The following SYCP1 variants were observed in gnomAD, a reference collection of about 807,000 sequenced individuals.
The protein encoded by SYCP1 is synaptonemal complex protein 1, also known as cancer/testis antigen 8.
Under a neutral mutation model 153.1 loss-of-function variants are expected in SYCP1, and 64 were observed. The ratio of observed to expected loss-of-function variants is 0.42; its 90% CI spans 0.34 to 0.51. SYCP1 has a LOEUF of 0.51. Ranked by LOEUF, SYCP1 falls within the 20% of genes least tolerant of loss-of-function variation. SYCP1 has a pLI of 0.06. For synonymous variants in SYCP1, 384 were observed against 341.8 expected, an observed-to-expected ratio of 1.12 and a Z score of -1.36; for missense variants, 997 against 1,049.0, an observed-to-expected ratio of 0.95 and a Z score of 0.68.
intron 30 of SYCP1, among the ~76,000 whole-genome samples, chr1:114,992,550 C>T (rs928093999): frequency 2.0e-5 from 3 of 151,516 alleles, no homozygotes; most frequent in East Asian, 1.9e-4. Flanking sequence ...GGGGAAGGAA[C>T]ATTTTTTTCA....
chr1:114,866,783 C>G (rs553072490), intron 8 of SYCP1, among the ~76,000 whole-genome samples: 1 of 151,442 alleles, frequency 6.6e-6, no homozygotes, highest in Admixed American at 6.6e-5. Flanking sequence ...TCGTGATACC[C>G]AAGATCATCC....
At chr1:114,974,354 AACATATAAC>A (rs1672680708) in intron 27 of SYCP1, among the ~76,000 whole-genome samples, 1 of 151,986 alleles carries the variant, frequency 6.6e-6, no homozygotes, top group Non-Finnish European at 1.5e-5. Context: ...TTGTGATAAA[AACATATAAC>A]ATTAAGTGCA....
intron 8 of SYCP1, among the ~76,000 whole-genome samples, chr1:114,870,970 G>A (rs941372711): frequency 6.6e-6 from 1 of 151,916 alleles, no homozygotes; most frequent in African/African-American, 2.4e-5. Context: ...GCTATTTGTG[G>A]TTTTAATTGA....
intron 15 of SYCP1, among the ~76,000 whole-genome samples, chr1:114,893,998 T>G (rs1025729609): frequency 1.3e-4 from 20 of 151,962 alleles, no homozygotes; most frequent in Admixed American, 1.1e-3. Context: ...TCGTTAATTT[T>G]CTGGTTTGTT....
Position 114,856,570 on chromosome 1 carries a change from T to A in SYCP1, c.109-3T>A. On this transcript the variant is annotated splice_region_variant and splice_polypyrimidine_tract_variant and intron_variant, in intron 2 of 31. Coordinates refer to ENST00000369522, the MANE Select transcript of SYCP1 (RefSeq NM_003176.4). ...ATATTTAAGAACTTCTTTGTGTCTC[T>A]AGAGTTTCAACAAATGTACTGAAGA... The A allele has an allele frequency of 1.2e-6, 2 of 1,607,612 alleles. No homozygotes were observed. Among genetic ancestry groups the A allele is most frequent in the Non-Finnish European group, 1.7e-6 (2 of 1,176,412 alleles).
At chr1:114,917,804 T>A (rs1668604272) in intron 20 of SYCP1, among the ~76,000 whole-genome samples, 1 of 152,158 alleles carries the variant, frequency 6.6e-6, no homozygotes, top group Non-Finnish European at 1.5e-5. Context: ...CCTATTTAGA[T>A]CTTTCGCCCA....
intron 30 of SYCP1, among the ~76,000 whole-genome samples, chr1:114,987,712 A>G (rs532789533): frequency 4.6e-5 from 7 of 151,992 alleles, no homozygotes; most frequent in African/African-American, 1.4e-4. Flanking sequence ...ATCATAAGGC[A>G]TACAAATAAA....
At chr1:114,953,839 T>C (rs2101855627) in intron 27 of SYCP1, among the ~76,000 whole-genome samples, 1 of 152,358 alleles carries the variant, frequency 6.6e-6, no homozygotes, top group East Asian at 1.9e-4. Flanking sequence ...GGGATTTTGA[T>C]AGAAAATTTA....
At chr1:114,874,219 GACTTT>G (rs1346313300) in intron 8 of SYCP1, among the ~76,000 whole-genome samples, 8 of 152,108 alleles carry the variant, frequency 5.3e-5, no homozygotes, top group African/African-American at 1.7e-4. Flanking sequence ...TTTGCCCTGC[GACTTT>G]ACTTCTCTTA....
intron 21 of SYCP1, among the ~76,000 whole-genome samples, chr1:114,926,042 G>C (rs949450741): frequency 1.3e-5 from 2 of 152,014 alleles, no homozygotes; most frequent in African/African-American, 4.8e-5. Context: ...GGGAGGCTGG[G>C]GTGAGAGGAT....
intron 20 of SYCP1, among the ~76,000 whole-genome samples, chr1:114,920,322 A>G (rs966166524): frequency 6.6e-6 from 1 of 151,972 alleles, no homozygotes; most frequent in Non-Finnish European, 1.5e-5. Context: ...TTTCAGTTCA[A>G]TTTCATTGTA....
At chr1:114,934,014 C>T (rs1460146249) in intron 23 of SYCP1, among the ~76,000 whole-genome samples, 4 of 152,138 alleles carry the variant, frequency 2.6e-5, no homozygotes, top group African/African-American at 9.7e-5. Context: ...AGAACTTCCC[C>T]AACCTAGCAA....
chr1:114,888,493 T>G (rs933863570), intron 15 of SYCP1, among the ~76,000 whole-genome samples: 23 of 152,016 alleles, frequency 1.5e-4, no homozygotes, highest in Non-Finnish European at 4.4e-5. Flanking sequence ...GTTGAACTTT[T>G]GGACCATATT....
intron 27 of SYCP1, among the ~76,000 whole-genome samples, chr1:114,975,036 G>A (rs1672723812): frequency 6.6e-6 from 1 of 151,700 alleles, no homozygotes; most frequent in African/African-American, 2.4e-5. Context: ...ATGTGTGTAG[G>A]CAATATCTCA....
chr1:114,964,400 G>T (rs1671975135), intron 27 of SYCP1, among the ~76,000 whole-genome samples: 1 of 152,086 alleles, frequency 6.6e-6, no homozygotes, highest in South Asian at 2.1e-4. Context: ...TGTCTATTTT[G>T]GCTTTTGTTG....
chr1:114,977,813 T>C (rs2101936044), intron 28 of SYCP1, 197 bp downstream of exon 28: 1 of 351,684 alleles, frequency 2.8e-6, no homozygotes, highest in East Asian at 5.0e-5. Flanking sequence ...ATTTGGAGAT[T>C]TGGAGAAGGT....
chr1:114,892,363 G>A (rs186822229), intron 15 of SYCP1, among the ~76,000 whole-genome samples: 106 of 152,214 alleles, frequency 7.0e-4, no homozygotes, highest in Admixed American at 2.4e-3. Flanking sequence ...GCCAGGGAGT[G>A]TGCGATTGTT....
At chr1:114,983,251 T>C (rs994465859) in intron 29 of SYCP1, among the ~76,000 whole-genome samples, 5 of 152,034 alleles carry the variant, frequency 3.3e-5, no homozygotes, top group African/African-American at 9.7e-5. Flanking sequence ...TCCAGGAATA[T>C]ATCAAGGCTT....
At chr1:114,936,910 G>A (rs1670049703) in intron 23 of SYCP1, among the ~76,000 whole-genome samples, 2 of 152,150 alleles carry the variant, frequency 1.3e-5, no homozygotes, top group African/African-American at 4.8e-5. Flanking sequence ...ACAGCAAATG[G>A]AAGAACATTC....
Sources: allele counts gnomAD v4.1 joint callset (sites outside exome capture counted in the v4.1 genomes callset), GRCh38; gene constraint gnomAD v4.1.1; transcripts MANE v1.5; gene names NCBI Gene and HGNC (gene_info 2026-07-23, HGNC 2026-07-21).